TTC39B: variants seen among roughly 807,000 people sequenced by gnomAD.
The protein encoded by TTC39B is tetratricopeptide repeat domain 39B.
Under a neutral mutation model 96.6 loss-of-function variants are expected in TTC39B, and 92 were observed. That is an observed-to-expected ratio of 0.95 (90% CI 0.80 to 1.13). The LOEUF is 1.13. Among genes scored for constraint, TTC39B ranks in the 50% most tolerant of loss-of-function variants. The pLI is 0.00. For missense variants in TTC39B, 955 were observed against 809.3 expected (o/e 1.18, Z -2.18); for synonymous variants, 367 against 299.4 (o/e 1.23, Z -2.33).
chr9:15,187,852 G>T, intron 14 of TTC39B, 119 bp downstream of exon 14: 3 of 1,060,334 alleles, frequency 2.8e-6, no homozygotes, highest in Non-Finnish European at 3.9e-6. Flanking sequence ...CTCCTTTTGT[G>T]GATCTCTAAG....
chr9:15,230,425 T>C (rs2131422141), intron 2 of TTC39B, among the ~76,000 whole-genome samples: 1 of 152,340 alleles, frequency 6.6e-6, no homozygotes, highest in African/African-American at 2.4e-5. Context: ...ACTAATCTAC[T>C]TTTTGTGTCT....
chr9:15,287,803 G>A (rs1486715140), intron 1 of TTC39B, among the ~76,000 whole-genome samples: 5 of 151,908 alleles, frequency 3.3e-5, no homozygotes, highest in East Asian at 1.9e-4. Flanking sequence ...AAAATTAGCC[G>A]GGCATGGTGG....
rs1191123417 is a variant in TTC39B, at chr9:15,233,729, G to A, written c.276-7717C>T. On this transcript the variant is annotated intron_variant, in intron 2 of 19. Coordinates refer to ENST00000512701, the Ensembl canonical transcript of TTC39B. ...TACAACATCCACCTCCCAGCCGCCT[G>A]CCTTGGCCTCCCAAAGAGCCGAGAT... Among the ~76,000 whole-genome samples the A allele has an allele frequency of 2.6e-5, 4 of 152,178 alleles. No homozygotes were observed. The South Asian group carries it at 6.2e-4, about 24-fold the overall frequency.
At chr9:15,255,586 C>CA (rs1822722753) in intron 2 of TTC39B, among the ~76,000 whole-genome samples, 1 of 148,016 alleles carries the variant, frequency 6.8e-6, no homozygotes, top group African/African-American at 2.5e-5. Context: ...ATGAAGGCGT[C>CA]AGAAAAAAAA....
exon 20 of TTC39B, chr9:15,164,930 T>C (rs1817490478): frequency 6.6e-6 from 1 of 152,230 alleles, no homozygotes; most frequent in Non-Finnish European, 1.5e-5. Flanking sequence ...CAGCCTAAGA[T>C]TTAAAATGTT....
rs113982693 is a variant in TTC39B, at chr9:15,188,210, CACTT to C, written c.1234-82_1234-79del. ...TAACCTAATGGAAAAATACATAAAACACTTAGTACAAAAAGGACAAAATTATCAC... is the reference window on the plus strand; with the variant it reads ...TAACCTAATGGAAAAATACATAAAACAGTACAAAAAGGACAAAATTATCAC... On this transcript the variant is annotated intron_variant, in intron 13 of 19. Transcript: ENST00000512701. The C allele has an allele frequency of 4.1e-4, 594 of 1,436,030 alleles. 4 individuals are homozygous for C. In the African/African-American group the frequency reaches 7.1e-3, roughly 17 times the overall value. The allele number at this position is 1,436,030 out of a possible 1,614,324, so 89.0% of individuals were successfully genotyped here.
intron 7 of TTC39B, 34 bp from the exon 8 acceptor site, chr9:15,199,959 T>A: frequency 7.5e-7 from 1 of 1,335,638 alleles, no homozygotes; most frequent in Non-Finnish European, 1.0e-6. Flanking sequence ...TTAGATTATT[T>A]AGCAAAAAAT....
At chr9:15,197,853 GA>G (rs111331711) in intron 8 of TTC39B, among the ~76,000 whole-genome samples, 10,019 of 150,936 alleles carry the variant, frequency 0.066, 1,171 homozygotes, top group African/African-American at 0.23. Context: ...CTGAAAGAAG[GA>G]AAAAAAACCC....
At chr9:15,221,180 C>T (rs540962232) in intron 3 of TTC39B, among the ~76,000 whole-genome samples, 1 of 152,212 alleles carries the variant, frequency 6.6e-6, no homozygotes, top group African/African-American at 2.4e-5. Context: ...CTTTAGTGTC[C>T]ACTGAGTGTT....
At chr9:15,172,339 G>C (rs1300160297) in intron 19 of TTC39B, among the ~76,000 whole-genome samples, 4 of 152,108 alleles carry the variant, frequency 2.6e-5, no homozygotes, top group Admixed American at 1.3e-4. Flanking sequence ...CATACTTTGA[G>C]TAGCAAGGTT....
chr9:15,177,756 G>A (rs1259657831), exon 18 of TTC39B: 2 of 1,612,944 alleles, frequency 1.2e-6, no homozygotes, highest in African/African-American at 2.7e-5. Flanking sequence ...AGTTCTTGAG[G>A]CAACATCCTT....
At chr9:15,269,535 G>GA (rs1823257703) in intron 1 of TTC39B, among the ~76,000 whole-genome samples, 1 of 152,078 alleles carries the variant, frequency 6.6e-6, no homozygotes, top group African/African-American at 2.4e-5. Flanking sequence ...CGGTGAGGCA[G>GA]AAAAAACAAA....
At chr9:15,210,160 T>G in exon 6 of TTC39B, 1 of 1,583,310 alleles carries the variant, frequency 6.3e-7, no homozygotes, top group Non-Finnish European at 8.6e-7. Flanking sequence ...TATTTTTTCC[T>G]GTATCTACAT....
At chr9:15,290,961 G>C (rs890922623) in intron 1 of TTC39B, among the ~76,000 whole-genome samples, 1 of 152,242 alleles carries the variant, frequency 6.6e-6, no homozygotes, top group East Asian at 1.9e-4. Context: ...CGTAAAAGGA[G>C]TAATGCAAAG....
chr9:15,258,955 G>T (rs1380018100), intron 2 of TTC39B, among the ~76,000 whole-genome samples: 1 of 152,012 alleles, frequency 6.6e-6, no homozygotes, highest in African/African-American at 2.4e-5. Context: ...TTCCCCCTGT[G>T]AATTTATATG....
intron 1 of TTC39B, among the ~76,000 whole-genome samples, chr9:15,289,990 G>A (rs1214793507): frequency 6.6e-6 from 1 of 152,146 alleles, no homozygotes; most frequent in African/African-American, 2.4e-5. Context: ...AAGCACCCGT[G>A]CTCTCCCGGT....
chr9:15,247,601 T>C lies in TTC39B; in HGVS notation c.275+20313A>G, dbSNP rs146849809. 4.2e-3 allele frequency among the ~76,000 whole-genome samples: 639 copies of C among 152,236 alleles called. 1 individual carries two copies. Among genetic ancestry groups the C allele is most frequent in the Non-Finnish European group, 7.0e-3 (475 of 68,014 alleles). On this transcript the variant is annotated intron_variant, in intron 2 of 19. Coordinates refer to ENST00000512701, the Ensembl canonical transcript of TTC39B. ...TTCCATTAGCATTCCTCTTCTAGGG[T>C]GCATGTTTTCCACGTTCCTTAACTG...
At chr9:15,190,404 G>A (rs1818787366) in intron 11 of TTC39B, 150 bp downstream of exon 11, 1 of 603,532 alleles carries the variant, frequency 1.7e-6, no homozygotes, top group Admixed American at 2.7e-5. Context: ...CCAGTGCAGT[G>A]ACGTGATCAT....
chr9:15,271,928 G>C (rs115095905), intron 1 of TTC39B, among the ~76,000 whole-genome samples: 5,119 of 152,206 alleles, frequency 0.034, 282 homozygotes, highest in African/African-American at 0.12. Context: ...ACCCGGAGAT[G>C]GCCAACCGCT....
Sources: gnomAD v4.1 joint callset for allele counts (sites outside exome capture counted in the v4.1 genomes callset) on GRCh38, gnomAD v4.1.1 for gene constraint, MANE v1.5 for transcripts, NCBI Gene and HGNC (gene_info 2026-07-23, HGNC 2026-07-21) for gene names.